The following RARA variants were observed in gnomAD, a reference collection of about 807,000 sequenced individuals.
The protein encoded by RARA is PML-DDX5-RARA fusion.
A neutral mutation model predicts 42.8 loss-of-function variants in RARA; 5 were observed. The observed-to-expected ratio is 0.12, with a 90% confidence interval of 0.06 to 0.25. RARA has a LOEUF of 0.25. Ranked by LOEUF, RARA falls within the 10% of genes least tolerant of loss-of-function variation. The probability of loss-of-function intolerance (pLI) is 1.00; values close to 1 mark genes in which losing one functional copy is unlikely to be tolerated. For missense variants in RARA, 402 were observed against 628.7 expected, an observed-to-expected ratio of 0.64 and a Z score of 3.86; for synonymous variants, 256 against 259.5, an observed-to-expected ratio of 0.99 and a Z score of 0.13.
intron 2 of RARA, among the ~76,000 whole-genome samples, chr17:40,338,117 A>C (rs927523396): frequency 6.6e-6 from 1 of 152,230 alleles, no homozygotes; most frequent in Non-Finnish European, 1.5e-5. Flanking sequence ...GAACTCAGGG[A>C]AGGAAGCCCG....
chr17:40,341,066 T>TG (rs1175493014), intron 2 of RARA: 7 of 400,652 alleles, frequency 1.7e-5, no homozygotes, highest in East Asian at 7.1e-5. Flanking sequence ...TTTTAGAGAG[T>TG]GGGGGTAATA....
In RARA at chr17:40,356,380, G is replaced by T. The variant is rs971030813; in HGVS notation, c.*154G>T. On this transcript the variant is annotated 3_prime_UTR_variant, in exon 9 of 9. Coordinates refer to ENST00000254066, the MANE Select transcript of RARA (RefSeq NM_000964.4). ...GGGGGACGGGGAGGGAGGAGGCAGC[G>T]ACTCCTTGGACAGAGGCCTGGGCCC... The T allele has an allele frequency of 3.5e-6, 3 of 862,692 alleles. No homozygotes were observed. The highest frequency in any genetic ancestry group is 1.7e-5 in the African/African-American group (1 of 60,356). The allele number at this position is 862,692 out of a possible 1,614,324, so 53.4% of individuals were successfully genotyped here.
intron 2 of RARA, among the ~76,000 whole-genome samples, chr17:40,333,976 C>T (rs1233874321): frequency 1.3e-5 from 2 of 152,212 alleles, no homozygotes; most frequent in Non-Finnish European, 2.9e-5. Flanking sequence ...TAGGGACCTG[C>T]GACCTGGTGC....
chr17:40,339,782 C>A (rs1239384621), intron 2 of RARA, among the ~76,000 whole-genome samples: 1 of 152,226 alleles, frequency 6.6e-6, no homozygotes, highest in African/African-American at 2.4e-5. Flanking sequence ...TTTGGGACAT[C>A]TTTTCCTGAC....
rs139251996 is a variant in RARA, at chr17:40,315,642, G to T, written c.-363+6356G>T. 6.6e-5 allele frequency among the ~76,000 whole-genome samples: 10 copies of T among 152,258 alleles called. No homozygotes were observed. The East Asian group carries it at 1.7e-3, about 26-fold the overall frequency. On this transcript the variant is annotated intron_variant, in intron 1 of 8. Coordinates refer to ENST00000254066, the MANE Select transcript of RARA (RefSeq NM_000964.4). ...TCATCTCTTCGGAGTATCACTTAATGCTGTTCTTCAGGAGTTTCCACAGGC... is the reference window on the plus strand; with the variant it reads ...TCATCTCTTCGGAGTATCACTTAATTCTGTTCTTCAGGAGTTTCCACAGGC...
chr17:40,352,287 G>T lies in RARA; in HGVS notation c.631-44G>T. 1 of 1,555,266 alleles carries T rather than the reference G, an allele frequency of 6.4e-7. No individual in the cohort carries two copies. The highest frequency in any genetic ancestry group is 1.4e-5 in the African/African-American group (1 of 73,780). On this transcript the variant is annotated intron_variant, in intron 5 of 8. Transcript: ENST00000254066. This position sits in a 1 kb window ranked among gnomAD's most constrained non-coding sequence, Gnocchi z 4.9. The stretch of plus-strand genomic sequence containing the variant: ...TGGGGGCTGGAGCCAGGCTGAGAAG[G>T]GGTGCCATGGAGAAGAAGGCCCTCA...
chr17:40,313,259 G>A (rs1046889057), intron 1 of RARA, among the ~76,000 whole-genome samples: 8 of 152,132 alleles, frequency 5.3e-5, no homozygotes, highest in Admixed American at 3.9e-4. Flanking sequence ...GGTCATGGTG[G>A]TTGTTTGCCC....
rs1407296699 is a variant in RARA at position 40,315,130 on chromosome 17, GTGTATATA to G, written c.-363+5846_-363+5853del. Among the ~76,000 whole-genome samples the G allele has an allele frequency of 6.9e-3, 373 of 53,974 alleles. 5 individuals are homozygous for G. The highest frequency in any genetic ancestry group is 0.019 in the African/African-American group (322 of 16,762). The allele number at this position is 53,974 out of a possible 152,430, so 35.4% of individuals were successfully genotyped here. On this transcript the variant is annotated intron_variant, in intron 1 of 8. Transcript: ENST00000254066. ...TATATATATATATATATGCTTATAT[GTGTATATA>G]TATATATATATATATATATATATAT...
Position 40,354,308 on chromosome 17 carries a change from C to T in RARA, c.814C>T (p.Arg272Trp), listed in dbSNP as rs2143521408. 1 of 1,613,974 alleles carries T rather than the reference C, an allele frequency of 6.2e-7. No homozygotes were observed. The highest frequency in any genetic ancestry group is 8.5e-7 in the Non-Finnish European group (1 of 1,179,952). Residue 272 changes from arginine (R) to tryptophan (W), a missense_variant, in exon 7 of 9, where the codon CGG becomes TGG. Physicochemically the swap from Arg to Trp is moderately radical, Grantham distance 101 (BLOSUM62 -3). This residue lies in a region of RARA where 130 missense variants were observed against 267.9 expected (regional missense o/e 0.49). Transcript: ENST00000254066. The surrounding 1 kb of genome is among the most constrained non-coding windows in gnomAD (Gnocchi z 4.5). The part of the protein sequence containing the change: ...KAACLDILIL[R>W]ICTRYTPEQD... ...AAGCATCCTCTGCACCCAGATCCTG[C>T]GGATCTGCACGCGGTACACGCCCGA...
At chr17:40,324,454 C>T (rs550512880) in intron 1 of RARA, among the ~76,000 whole-genome samples, 56 of 152,246 alleles carry the variant, frequency 3.7e-4, no homozygotes, top group African/African-American at 1.2e-3. Context: ...CCATGTCCCC[C>T]GGGGGATCTG....
chr17:40,346,227 G>T (rs1454135971), intron 2 of RARA, among the ~76,000 whole-genome samples: 1 of 152,094 alleles, frequency 6.6e-6, no homozygotes, highest in Non-Finnish European at 1.5e-5. Context: ...TCTGTCCCAG[G>T]CCTTAGAGCT....
rs1233636652 is a variant in RARA, at chr17:40,355,122, G to A, written c.1013-141G>A. ...AGGGCCTCTGTACCCTGCGGCAGCA[G>A]AGACCCCATGCCCTGCCCTGTGTGG... On this transcript the variant is annotated intron_variant, in intron 7 of 8. Coordinates refer to ENST00000254066, the MANE Select transcript of RARA (RefSeq NM_000964.4). This position sits in a 1 kb window ranked among gnomAD's most constrained non-coding sequence, Gnocchi z 4.1. 3 of 1,081,898 alleles carry A rather than the reference G, an allele frequency of 2.8e-6. No individual in the cohort carries two copies. The African/African-American group carries it at 4.8e-5, about 17-fold the overall frequency. The allele number at this position is 1,081,898 out of a possible 1,614,324, so 67.0% of individuals were successfully genotyped here. A position where few individuals can be genotyped will look rare whatever the true frequency, so the allele number is the denominator to read the frequency against.
intron 2 of RARA, among the ~76,000 whole-genome samples, chr17:40,336,854 C>A (rs1022935458): frequency 6.6e-6 from 1 of 151,974 alleles, no homozygotes; most frequent in East Asian, 1.9e-4. Flanking sequence ...TGCCGCTACG[C>A]CCAGCTAATT....
chr17:40,342,756 G>T, intron 2 of RARA: 1 of 1,612,710 alleles, frequency 6.2e-7, no homozygotes, highest in Non-Finnish European at 8.5e-7. Flanking sequence ...CTTCCTAGTG[G>T]TGGATTTTTA....
Position 40,351,429 on chromosome 17 carries a change from T to C in RARA, c.470-481T>C, listed in dbSNP as rs182610022. 0.015 allele frequency: 6,937 copies of C among 463,148 alleles called. 71 individuals carry two copies. Among genetic ancestry groups the C allele is most frequent in the Non-Finnish European group, 0.021 (4,672 of 222,960 alleles). The allele number at this position is 463,148 out of a possible 1,614,324, so 28.7% of individuals were successfully genotyped here. A position where few individuals can be genotyped will look rare whatever the true frequency, so the allele number is the denominator to read the frequency against. Reference sequence around the variant, plus strand: ...GGGCCAAGAGATTCTCCCCGCCAGGTCCCCCACTCTCAGGCTGGGGAGCCC... The same window carrying C: ...GGGCCAAGAGATTCTCCCCGCCAGGCCCCCCACTCTCAGGCTGGGGAGCCC... On this transcript the variant is annotated intron_variant, in intron 4 of 8. Transcript: ENST00000254066. The surrounding 1 kb of genome is among the most constrained non-coding windows in gnomAD (Gnocchi z 4.1).
chr17:40,348,005 G>A (rs894310394), intron 2 of RARA: 1 of 260,716 alleles, frequency 3.8e-6, no homozygotes, highest in Non-Finnish European at 7.3e-6. Flanking sequence ...TTAGAATCAG[G>A]GTGACCCCCA....
In RARA at chr17:40,331,057, T is replaced by G. The variant is rs1567751183; in HGVS notation, c.-162T>G. Reference sequence around the variant, plus strand: ...GGGTGGGGGCTCCAGGAGACTGAGATTAGCCTGCCCTCTTTGGACAGCAGC... The same window carrying G: ...GGGTGGGGGCTCCAGGAGACTGAGAGTAGCCTGCCCTCTTTGGACAGCAGC... On this transcript the variant is annotated 5_prime_UTR_variant, in exon 2 of 9. Transcript: ENST00000254066. 2.5e-6 allele frequency: 2 copies of G among 789,432 alleles called. No individual in the cohort carries two copies. The highest frequency in any genetic ancestry group is 3.8e-6 in the Non-Finnish European group (2 of 521,374). The allele number at this position is 789,432 out of a possible 1,614,324, so 48.9% of individuals were successfully genotyped here. A position where few individuals can be genotyped will look rare whatever the true frequency, so the allele number is the denominator to read the frequency against.
At chr17:40,333,517 G>A in intron 2 of RARA, among the ~76,000 whole-genome samples, 1 of 151,702 alleles carries the variant, frequency 6.6e-6, no homozygotes, top group East Asian at 1.9e-4. Context: ...TGTATTTTTA[G>A]TAGAGATGGG....
At chr17:40,313,740 G>A (rs2033139538) in intron 1 of RARA, among the ~76,000 whole-genome samples, 1 of 152,094 alleles carries the variant, frequency 6.6e-6, no homozygotes, top group South Asian at 2.1e-4. Flanking sequence ...CACCAAGCAA[G>A]TCATGGTGCA....
Sources: gnomAD v4.1 joint callset for allele counts (sites outside exome capture counted in the v4.1 genomes callset) on GRCh38, gnomAD v4.1.1 for gene constraint, gnomAD v4.1.1 regional missense constraint, Gnocchi (gnomAD v3.1) non-coding constraint, MANE v1.5 for transcripts, NCBI Gene and HGNC (gene_info 2026-07-23, HGNC 2026-07-21) for gene names.